Variants in SLC1A2 observed in about 807,000 individuals in gnomAD.
SLC1A2 encodes the protein excitatory amino acid transporter 2.
In SLC1A2, 15 loss-of-function variants were observed where a neutral mutation model predicts 48.8. The ratio of observed to expected loss-of-function variants is 0.31; its 90% confidence interval spans 0.21 to 0.47. The LOEUF is 0.47. Among genes scored for constraint, SLC1A2 ranks in the 20% least tolerant of loss-of-function variants. The probability of loss-of-function intolerance (pLI) is 0.99; values close to 1 mark genes in which losing one functional copy is unlikely to be tolerated. For missense variants in SLC1A2, 502 were observed against 730.5 expected, an observed-to-expected ratio of 0.69 and a Z score of 3.61; for synonymous variants, 279 against 272.6, an observed-to-expected ratio of 1.02 and a Z score of -0.23.
chr11:35,278,549 G>A (rs757457128), intron 9 of SLC1A2, among the ~76,000 whole-genome samples: 33 of 152,090 alleles, frequency 2.2e-4, no homozygotes, highest in Admixed American at 1.4e-3. Context: ...AAAGTGCTGG[G>A]CACTTCTTAT....
intron 1 of SLC1A2, among the ~76,000 whole-genome samples, chr11:35,370,206 C>T (rs1047895008): frequency 3.3e-5 from 5 of 152,140 alleles, no homozygotes; most frequent in African/African-American, 1.2e-4. Flanking sequence ...TGTTACTTGC[C>T]CCATTCTTCA....
chr11:35,347,474 C>T (rs968726341), intron 1 of SLC1A2, among the ~76,000 whole-genome samples: 6 of 152,204 alleles, frequency 3.9e-5, no homozygotes, highest in Non-Finnish European at 8.8e-5. Flanking sequence ...GCTGCTGGAG[C>T]AATGTTTTCA....
chr11:35,266,371 A>T (rs1196101281), intron 9 of SLC1A2, among the ~76,000 whole-genome samples: 1 of 152,220 alleles, frequency 6.6e-6, no homozygotes, highest in Non-Finnish European at 1.5e-5. Context: ...TTTCTCATTG[A>T]CCAATATGTG....
At chr11:35,370,688 G>A (rs960824967) in intron 1 of SLC1A2, among the ~76,000 whole-genome samples, 2 of 152,102 alleles carry the variant, frequency 1.3e-5, no homozygotes, top group Non-Finnish European at 2.9e-5. Context: ...TCAGTGCGGG[G>A]AATGAGAGCA....
At chr11:35,412,979 G>T (rs545747312) in intron 1 of SLC1A2, among the ~76,000 whole-genome samples, 2 of 152,090 alleles carry the variant, frequency 1.3e-5, no homozygotes, top group African/African-American at 4.8e-5. Flanking sequence ...AAGTGCTTTG[G>T]GGGGTGGGGG....
chr11:35,342,725 G>T (rs1401684197), intron 1 of SLC1A2, among the ~76,000 whole-genome samples: 1 of 152,032 alleles, frequency 6.6e-6, no homozygotes, highest in Admixed American at 6.5e-5. Flanking sequence ...GGTTGAGGCT[G>T]CAGTGACCAG....
intron 1 of SLC1A2, chr11:35,374,326 T>G (rs1340227452): frequency 9.7e-7 from 1 of 1,030,932 alleles, no homozygotes; most frequent in African/African-American, 1.6e-5. Flanking sequence ...TGGAAATGCC[T>G]GGACCCTGCC....
At chr11:35,394,960 T>C (rs544111525) in intron 1 of SLC1A2, among the ~76,000 whole-genome samples, 38 of 152,192 alleles carry the variant, frequency 2.5e-4, no homozygotes, top group Non-Finnish European at 4.7e-4. Flanking sequence ...GTATGCCCTG[T>C]GTGCTAAGCG....
intron 1 of SLC1A2, chr11:35,399,686 A>G: frequency 2.5e-6 from 2 of 789,844 alleles, no homozygotes; most frequent in Non-Finnish European, 3.1e-6. Context: ...TTCCATCTGC[A>G]GGGCCAAAAA....
At chr11:35,267,635 C>A (rs1850134929) in intron 9 of SLC1A2, among the ~76,000 whole-genome samples, 1 of 152,156 alleles carries the variant, frequency 6.6e-6, no homozygotes, top group South Asian at 2.1e-4. Flanking sequence ...ACTAGCTGAC[C>A]TATTTGTCCG....
At chr11:35,396,824 G>A (rs1252365613) in intron 1 of SLC1A2, among the ~76,000 whole-genome samples, 3 of 152,130 alleles carry the variant, frequency 2.0e-5, no homozygotes, top group African/African-American at 4.8e-5. Flanking sequence ...AGCAACTTCA[G>A]CAAAGTCTCA....
intron 1 of SLC1A2, among the ~76,000 whole-genome samples, chr11:35,318,674 C>T (rs1007868595): frequency 6.6e-6 from 1 of 152,222 alleles, no homozygotes; most frequent in African/African-American, 2.4e-5. Context: ...GACTCCAACT[C>T]TTGCTAGCTG....
intron 1 of SLC1A2, among the ~76,000 whole-genome samples, chr11:35,412,379 T>C (rs3847624): frequency 0.16 from 23,889 of 152,132 alleles, 2,027 homozygotes; most frequent in African/African-American, 0.22. Flanking sequence ...CCAAATTCTA[T>C]ACTTGGTGGA....
In SLC1A2 at chr11:35,300,538, C is replaced by T. The variant is rs143981020; in HGVS notation, c.857+981G>A. 3.8e-3 allele frequency among the ~76,000 whole-genome samples: 582 copies of T among 152,328 alleles called. 6 individuals carry two copies. Among genetic ancestry groups the T allele is most frequent in the South Asian group, 0.023 (109 of 4,828 alleles). ...CCATGTGAGAGCACACACAAAGGTG[C>T]CAACTACGAGGAATAGGCCCTCCAC... On this transcript the variant is annotated intron_variant, in intron 6 of 10. Transcript: ENST00000278379.
chr11:35,394,659 G>C (rs1158288529), intron 1 of SLC1A2, among the ~76,000 whole-genome samples: 2 of 152,162 alleles, frequency 1.3e-5, no homozygotes, highest in Admixed American at 6.5e-5. Flanking sequence ...TTAAGGATGG[G>C]ATGGAACCCC....
chr11:35,408,343 C>T (rs1855361334), intron 1 of SLC1A2, among the ~76,000 whole-genome samples: 1 of 152,184 alleles, frequency 6.6e-6, no homozygotes, highest in South Asian at 2.1e-4. Flanking sequence ...TGAATTGTAT[C>T]TCCCAGAATT....
At chr11:35,356,668 G>A (rs1291062671) in intron 1 of SLC1A2, among the ~76,000 whole-genome samples, 3 of 152,116 alleles carry the variant, frequency 2.0e-5, no homozygotes, top group African/African-American at 7.2e-5. Flanking sequence ...TGTCGTTTAC[G>A]CTTGTCTTGA....
chr11:35,298,238 T>C (rs1297883655), intron 6 of SLC1A2: 2 of 152,238 alleles, frequency 1.3e-5, no homozygotes, highest in Non-Finnish European at 2.9e-5. Context: ...TATTTAATAA[T>C]AATTGTTTCC....
intron 1 of SLC1A2, among the ~76,000 whole-genome samples, chr11:35,363,447 A>G (rs1317952111): frequency 3.9e-5 from 6 of 152,042 alleles, no homozygotes; most frequent in Admixed American, 3.9e-4. Context: ...CAAAATAGGG[A>G]GCTCATTGGA....
Sources: gnomAD v4.1 joint callset for allele counts (sites outside exome capture counted in the v4.1 genomes callset) on GRCh38, gnomAD v4.1.1 for gene constraint, MANE v1.5 for transcripts, NCBI Gene and HGNC (gene_info 2026-07-23, HGNC 2026-07-21) for gene names.